GBP1: variants seen among roughly 807,000 people sequenced by gnomAD.
GBP1 encodes guanylate binding protein 1.
Under a neutral mutation model 69.5 loss-of-function variants are expected in GBP1, and 64 were observed. That is an observed-to-expected ratio of 0.92 (90% CI 0.75 to 1.13). The LOEUF (loss-of-function observed/expected upper bound fraction) is 1.13, where lower values mean the gene tolerates loss of function less well. Among genes scored for constraint, GBP1 ranks in the 50% most tolerant of loss-of-function variants. GBP1 has a pLI of 0.00. For missense variants in GBP1, 630 were observed against 704.1 expected (o/e 0.89, Z 1.19); for synonymous variants, 250 against 261.2 (o/e 0.96, Z 0.41).
intron 8 of GBP1, 153 bp downstream of exon 8, chr1:89,055,863 G>A: frequency 2.2e-6 from 2 of 890,340 alleles, no homozygotes; most frequent in South Asian, 3.1e-5. Context: ...GGACATATCT[G>A]GTATAACAGC....
At chr1:89,060,414 G>A in intron 2 of GBP1, 90 bp from the exon 3 acceptor site, 1 of 1,204,634 alleles carries the variant, frequency 8.3e-7, no homozygotes, top group South Asian at 2.3e-5. Context: ...AAGGTTAAGA[G>A]AGAGAACTGA....
intron 1 of GBP1, among the ~76,000 whole-genome samples, 165 bp downstream of exon 1, chr1:89,064,995 C>A (rs1423072717): frequency 6.6e-6 from 1 of 152,198 alleles, no homozygotes; most frequent in East Asian, 1.9e-4. Flanking sequence ...CCACTTCAGG[C>A]TCATCTGCAG....
chr1:89,053,879 A>C (rs1679979596), intron 10 of GBP1, among the ~76,000 whole-genome samples: 3 of 152,234 alleles, frequency 2.0e-5, no homozygotes, highest in Admixed American at 2.0e-4. Context: ...AGTATCACAC[A>C]GGTGTGAGGG....
chr1:89,058,442 G>A, intron 5 of GBP1: 1 of 545,100 alleles, frequency 1.8e-6, no homozygotes. Context: ...AAAGACAGCT[G>A]GCAGGCAGGA....
chr1:89,054,663 A>C lies in GBP1; in HGVS notation c.1665+19T>G, dbSNP rs766706561. On this transcript the variant is annotated intron_variant, in intron 10 of 10. Coordinates refer to ENST00000370473, the MANE Select transcript of GBP1 (RefSeq NM_002053.3). ...AGAAAACAGAAAAACAGAAACCTCAAGGTGATGCAATTAGATACCTGAAGT... is the reference window on the plus strand; with the variant it reads ...AGAAAACAGAAAAACAGAAACCTCACGGTGATGCAATTAGATACCTGAAGT... The C allele has an allele frequency of 1.2e-6, 2 of 1,603,518 alleles. No individual in the cohort carries two copies. Among genetic ancestry groups the C allele is most frequent in the Admixed American group, 3.4e-5 (2 of 59,582 alleles).
chr1:89,062,348 G>T (rs1342035984), intron 2 of GBP1, among the ~76,000 whole-genome samples: 1 of 152,186 alleles, frequency 6.6e-6, no homozygotes, highest in Non-Finnish European at 1.5e-5. Flanking sequence ...TTTGACACAT[G>T]CTAACACACT....
Position 89,060,192 on chromosome 1 carries a change from C to G in GBP1, c.318+5G>C, listed in dbSNP as rs1479919256. The G allele has an allele frequency of 6.3e-7, 1 of 1,590,022 alleles. No individual in the cohort carries two copies. The highest frequency in any genetic ancestry group is 8.5e-7 in the Non-Finnish European group (1 of 1,171,168). On this transcript the variant is annotated splice_donor_5th_base_variant and intron_variant, in intron 3 of 10. Coordinates refer to ENST00000370473, the MANE Select transcript of GBP1 (RefSeq NM_002053.3). Reference sequence around the variant, plus strand: ...TTACTCCACAACTGGATCCTTGAGTCTCACCTTCTCTACATCTCCCAGACC... The same window carrying G: ...TTACTCCACAACTGGATCCTTGAGTGTCACCTTCTCTACATCTCCCAGACC...
chr1:89,055,162 T>G lies in GBP1; in HGVS notation c.1422A>C (p.Ala474=). ...YLKSKESMTD[A]ILQTDQTLTE... Reference sequence around the variant, plus strand: ...TGAGAGTCTGGTCTGTCTGGAGAATTGCATCAGTCATAGACTCCTTGGATT... The same window carrying G: ...TGAGAGTCTGGTCTGTCTGGAGAATGGCATCAGTCATAGACTCCTTGGATT... Residue 474 remains alanine (A), a synonymous_variant, in exon 9 of 11, where the codon GCA becomes GCC. Coordinates refer to ENST00000370473, the MANE Select transcript of GBP1 (RefSeq NM_002053.3). The G allele has an allele frequency of 6.2e-7, 1 of 1,611,918 alleles. No individual in the cohort carries two copies. The highest frequency in any genetic ancestry group is 8.5e-7 in the Non-Finnish European group (1 of 1,179,406).
At chr1:89,059,074 A>G in intron 4 of GBP1, 31 bp from the exon 5 acceptor site, 1 of 1,613,676 alleles carries the variant, frequency 6.2e-7, no homozygotes, top group Non-Finnish European at 8.5e-7. Context: ...ATGTGACAAA[A>G]TGAACAGGGA....
chr1:89,064,240 TGAGA>T (rs34743787), intron 1 of GBP1, among the ~76,000 whole-genome samples: 4,636 of 99,750 alleles, frequency 0.046, 383 homozygotes, highest in African/African-American at 0.17. Flanking sequence ...TGTGTGTGTG[TGAGA>T]GAGAGAGAGA....
At chr1:89,058,685 C>A (rs1263555237) in intron 5 of GBP1, 156 bp downstream of exon 5, 1 of 715,158 alleles carries the variant, frequency 1.4e-6, no homozygotes, top group Non-Finnish European at 2.3e-6. Flanking sequence ...AAAATAACAT[C>A]TATTAATTTG....
chr1:89,062,980 A>G, intron 2 of GBP1, 65 bp downstream of exon 2: 2 of 1,586,134 alleles, frequency 1.3e-6, no homozygotes, highest in Non-Finnish European at 1.7e-6. Flanking sequence ...TCACATCTTC[A>G]TAATGGAGGC....
At chr1:89,062,958 C>T in intron 2 of GBP1, 87 bp downstream of exon 2, 1 of 1,515,684 alleles carries the variant, frequency 6.6e-7, no homozygotes, top group Non-Finnish European at 9.1e-7. Context: ...TCATCCTCAT[C>T]TCTTTCTCTC....
Position 89,056,188 on chromosome 1 carries a change from T to G in GBP1, c.1196A>C (p.Asn399Thr). Residue 399 changes from asparagine to threonine, a missense_variant, in exon 8 of 11, where the codon AAT becomes ACT. Transcript: ENST00000370473. ...GCAACGATCTGATGATGCTTCCTGA[T>G]TCTGTTTACAAAAGTCATCCCGCTT... ...EKKRDDFCKQ[N>T]QEASSDRCSA... The G allele has an allele frequency of 6.2e-7, 1 of 1,614,000 alleles. No homozygotes were observed.
At chr1:89,055,262 G>A (rs1277471892) in intron 8 of GBP1, 47 bp from the exon 9 acceptor site, 1 of 1,609,990 alleles carries the variant, frequency 6.2e-7, no homozygotes, top group South Asian at 1.1e-5. Context: ...ATGGCTGTAA[G>A]CAGGTGTTCC....
chr1:89,062,901 G>A lies in GBP1; in HGVS notation c.190+144C>T, dbSNP rs549532700. ...ATTGATTCTTATCCCCTAGAACAGC[G>A]TGAAGATAAGGAGCCCGACTGTGAA... On this transcript the variant is annotated intron_variant, in intron 2 of 10. Transcript: ENST00000370473. 9.4e-5 allele frequency: 88 copies of A among 933,876 alleles called. 1 individual carries two copies. Among genetic ancestry groups the A allele is most frequent in the Admixed American group, 2.0e-4 (8 of 39,782 alleles). 57.8% of individuals were successfully genotyped at this position (933,876 alleles called of 1,614,324 possible).
At position 89,056,266 on chromosome 1, in the gene GBP1, G is replaced by T. The variant is rs1250717290; in HGVS notation, c.1156-38C>A. 8.1e-6 allele frequency: 13 copies of T among 1,613,574 alleles called. No individual in the cohort carries two copies. In the African/African-American group the frequency reaches 1.3e-4, roughly 17 times the overall value. On this transcript the variant is annotated intron_variant, in intron 7 of 10. Coordinates refer to ENST00000370473, the MANE Select transcript of GBP1 (RefSeq NM_002053.3). ...AATAGGAAGTAAAAAGAGTAACAGGGAAAGGATGTTAGCTTGACCTCAGAA... is the reference window on the plus strand; with the variant it reads ...AATAGGAAGTAAAAAGAGTAACAGGTAAAGGATGTTAGCTTGACCTCAGAA...
chr1:89,063,008 A>G (rs534693272), intron 2 of GBP1, 37 bp downstream of exon 2: 4 of 1,610,104 alleles, frequency 2.5e-6, no homozygotes, highest in Non-Finnish European at 3.4e-6. Context: ...GTAGATGGAC[A>G]GAAGGGACTT....
At position 89,056,991 on chromosome 1, in the gene GBP1, C is replaced by A; in HGVS notation, c.1018G>T (p.Gly340Cys). The A allele has an allele frequency of 6.2e-7, 1 of 1,614,220 alleles. No individual in the cohort carries two copies. Among genetic ancestry groups the A allele is most frequent in the Non-Finnish European group, 8.5e-7 (1 of 1,180,036 alleles). ...KAIAHYEQQM[G>C]QKVQLPTETL... ...TCTGTGGGCAGCTGCACCTTCTGGC[C>A]CATCTGCTGTTCATAGTGGGCAATA... Residue 340 changes from glycine to cysteine, a missense_variant, in exon 7 of 11, where the codon GGC becomes TGC. Transcript: ENST00000370473.
Sources: gnomAD v4.1 joint callset for allele counts (sites outside exome capture counted in the v4.1 genomes callset) on GRCh38, gnomAD v4.1.1 for gene constraint, MANE v1.5 for transcripts, NCBI Gene and HGNC (gene_info 2026-07-23, HGNC 2026-07-21) for gene names.